The following QRICH2 variants were observed in gnomAD, a reference collection of about 807,000 sequenced individuals.
QRICH2 encodes the protein glutamine-rich protein 2.
Under a neutral mutation model 168.3 loss-of-function variants are expected in QRICH2, and 119 were observed. The ratio of observed to expected loss-of-function variants is 0.71; its 90% CI spans 0.61 to 0.82. The LOEUF (loss-of-function observed/expected upper bound fraction) is 0.82. Ranked by LOEUF, QRICH2 falls within the 40% of genes least tolerant of loss-of-function variation. The pLI is 0.00. For synonymous variants in QRICH2, 894 were observed against 951.2 expected, an observed-to-expected ratio of 0.94 and a Z score of 1.11; for missense variants, 2,241 against 2,491.6, an observed-to-expected ratio of 0.90 and a Z score of 2.14.
At chr17:76,286,894 A>T (rs1176087505) in intron 7 of QRICH2, among the ~76,000 whole-genome samples, 2 of 149,102 alleles carry the variant, frequency 1.3e-5, no homozygotes, top group Admixed American at 1.3e-4. Context: ...AAAAAAAAAA[A>T]GATAGGGAAA....
At position 76,280,809 on chromosome 17, in the gene QRICH2, C is replaced by T. The variant is rs2070774222; in HGVS notation, c.4386+22G>A. ...ACCACATTGAGCCCCGGCCCCATCC[C>T]AGCCACCCTGCGGCCGCTCACAGCA... On this transcript the variant is annotated intron_variant, in intron 9 of 18. Transcript: ENST00000680821. The surrounding 1 kb of genome is among the most constrained non-coding windows in gnomAD (Gnocchi z 7.4). 1.2e-6 allele frequency: 2 copies of T among 1,614,026 alleles called. No individual in the cohort carries two copies. The highest frequency in any genetic ancestry group is 1.7e-6 in the Non-Finnish European group (2 of 1,180,028).
chr17:76,283,028 C>T (rs2070817742), intron 7 of QRICH2, among the ~76,000 whole-genome samples: 1 of 152,182 alleles, frequency 6.6e-6, no homozygotes, highest in Non-Finnish European at 1.5e-5. Flanking sequence ...GGGTGGCCCA[C>T]CCTGGCCTGC....
chr17:76,289,524 G>T (rs887031312), intron 5 of QRICH2, among the ~76,000 whole-genome samples: 11 of 152,094 alleles, frequency 7.2e-5, no homozygotes, highest in African/African-American at 2.7e-4. Context: ...TGAACACGAT[G>T]ATACCCAAGG....
intron 1 of QRICH2, among the ~76,000 whole-genome samples, chr17:76,306,595 C>G (rs1382743603): frequency 6.6e-6 from 1 of 152,146 alleles, no homozygotes; most frequent in Non-Finnish European, 1.5e-5. Flanking sequence ...AAACAAAAGT[C>G]CAGTTGAAGG....
At chr17:76,304,759 G>A in intron 2 of QRICH2, 123 bp downstream of exon 2, 1 of 814,458 alleles carries the variant, frequency 1.2e-6, no homozygotes, top group Non-Finnish European at 2.1e-6. Context: ...CCCTGGGGCA[G>A]AGACTTGAGA....
intron 16 of QRICH2, 60 bp from the exon 17 acceptor site, chr17:76,276,827 TCA>T: frequency 7.5e-7 from 1 of 1,329,342 alleles, no homozygotes; most frequent in South Asian, 1.2e-5. Context: ...CCTGGCCCCT[TCA>T]CACGGGACTG....
chr17:76,278,062 A>G lies in QRICH2; in HGVS notation c.5044T>C (p.Ser1682Pro), dbSNP rs1236326267. 2.5e-6 allele frequency: 4 copies of G among 1,613,936 alleles called. No homozygotes were observed. The highest frequency in any genetic ancestry group is 3.4e-6 in the Non-Finnish European group (4 of 1,180,032). The part of the protein sequence containing the change: ...IEKVQIHFGG[S>P]TKASSQIIRE... The stretch of plus-strand genomic sequence containing the variant: ...ATTATCTGGCTGCTGGCCTTGGTGG[A>G]GCCCCCGAAGTGGATCTGCACCTTC... The change falls in exon 15 of 19, where the codon TCC (serine) becomes CCC (proline). Residue 1682 changes from serine to proline, a missense_variant. By Grantham distance (74) the Ser-to-Pro change is moderately conservative. This residue lies in a region of QRICH2 where 2,047 missense variants were observed against 2,303.8 expected (regional missense o/e 0.89). Coordinates refer to ENST00000680821, the MANE Select transcript of QRICH2 (RefSeq NM_001388453.1).
rs1443425873 is a variant in QRICH2, at chr17:76,275,801, C to T, written c.5482+18G>A. ...AGCGGGGAGGCCTGGCAGGACGCCC[C>T]ACCCAGAGGGAAGCTACCTGAGGTG... is the stretch of plus-strand genomic sequence containing the variant. On this transcript the variant is annotated intron_variant, in intron 18 of 18. Coordinates refer to ENST00000680821, the MANE Select transcript of QRICH2 (RefSeq NM_001388453.1). The T allele has an allele frequency of 5.0e-6, 8 of 1,602,396 alleles. No homozygotes were observed. In the African/African-American group the frequency reaches 9.3e-5, roughly 19 times the overall value.
intron 14 of QRICH2, among the ~76,000 whole-genome samples, chr17:76,278,813 A>G (rs2070735208): frequency 6.6e-6 from 1 of 152,254 alleles, no homozygotes; most frequent in Non-Finnish European, 1.5e-5. Context: ...AGGTGTGACT[A>G]GGTCTGCCTC....
rs570001475 is a variant in QRICH2 at position 76,301,200 on chromosome 17, G to T, written c.705+3215C>A. Among the ~76,000 whole-genome samples, 3 of 149,804 alleles carry T rather than the reference G, an allele frequency of 2.0e-5. No individual in the cohort carries two copies. In the South Asian group the frequency reaches 6.5e-4, roughly 32 times the overall value. ...CCACTGCACTCCAGCCTGGGCAGCA[G>T]AGCAAGACTGTCTCAAAAATATTTT... On this transcript the variant is annotated intron_variant, in intron 3 of 18. Transcript: ENST00000680821.
intron 14 of QRICH2, 47 bp downstream of exon 14, chr17:76,278,994 G>T: frequency 2.0e-6 from 3 of 1,504,310 alleles, no homozygotes; most frequent in Non-Finnish European, 1.8e-6. Context: ...CCCATCCAGA[G>T]CCCTGGCCCC....
rs996875893 is a variant in QRICH2 at position 76,275,696 on chromosome 17, C to T, written c.5482+123G>A. ...CGGGGTTCCTCTTTTCCACACCCAT[C>T]CCCCCCTTCGGCTCCCAGGCCCTCC... On this transcript the variant is annotated intron_variant, in intron 18 of 18. Coordinates refer to ENST00000680821, the MANE Select transcript of QRICH2 (RefSeq NM_001388453.1). The T allele has an allele frequency of 2.1e-5, 26 of 1,233,302 alleles. No individual in the cohort carries two copies. The African/African-American group carries it at 3.5e-4, about 17-fold the overall frequency. 76.4% of individuals were successfully genotyped at this position (1,233,302 alleles called of 1,614,324 possible).
In QRICH2 at chr17:76,281,088, G is replaced by C; in HGVS notation, c.4264-135C>G. On this transcript the variant is annotated intron_variant, in intron 8 of 18. Coordinates refer to ENST00000680821, the MANE Select transcript of QRICH2 (RefSeq NM_001388453.1). The surrounding 1 kb of genome is among the most constrained non-coding windows in gnomAD (Gnocchi z 4.4). ...CTGGGAGCGGTGGCTCATGCCTGTA[G>C]TCCTGGCACTTTGGGAAGCTGAGGT... 8.1e-7 allele frequency: 1 copy of C among 1,232,042 alleles called. No homozygotes were observed. The highest frequency in any genetic ancestry group is 1.1e-6 in the Non-Finnish European group (1 of 906,104). 76.3% of individuals were successfully genotyped at this position (1,232,042 alleles called of 1,614,324 possible).
intron 1 of QRICH2, among the ~76,000 whole-genome samples, chr17:76,306,062 C>T (rs1046441062): frequency 2.8e-5 from 4 of 145,050 alleles, no homozygotes; most frequent in Non-Finnish European, 4.5e-5. Context: ...CCTAGCTACT[C>T]GGGAAGCCGA....
chr17:76,292,444 C>T lies in QRICH2; in HGVS notation c.2283G>A (p.Leu761=), dbSNP rs749783328. The change falls in exon 4 of 19, where the codon TTG becomes TTA. Residue 761 remains leucine, a synonymous_variant. Coordinates refer to ENST00000680821, the MANE Select transcript of QRICH2 (RefSeq NM_001388453.1). ...CATGCTGATCTGCACCAGGTTGGAC[C>T]AAACCACGCTGATCTGCACCAGGTG... is the stretch of plus-strand genomic sequence containing the variant. The part of the protein sequence containing the change: ...LVPPGADQRG[L]VQPGADQHGL... The T allele has an allele frequency of 5.7e-6, 9 of 1,567,854 alleles. No homozygotes were observed. In the Admixed American group the frequency reaches 8.7e-5, roughly 15 times the overall value.
chr17:76,303,052 T>C (rs538388119), intron 3 of QRICH2, among the ~76,000 whole-genome samples: 1 of 151,992 alleles, frequency 6.6e-6, no homozygotes, highest in East Asian at 1.9e-4. Context: ...CCCACCTAAT[T>C]TTTGTATTTT....
intron 7 of QRICH2, among the ~76,000 whole-genome samples, 172 bp downstream of exon 7, chr17:76,287,020 C>A (rs1435147349): frequency 7.0e-6 from 1 of 143,882 alleles, no homozygotes; most frequent in South Asian, 2.3e-4. Flanking sequence ...ACCGCCCCCC[C>A]ACCCCCTGCC....
chr17:76,304,098 A>AT (rs2070950492), intron 3 of QRICH2, among the ~76,000 whole-genome samples: 1 of 152,124 alleles, frequency 6.6e-6, no homozygotes. Flanking sequence ...GGTACCAACC[A>AT]TACAGCGCTG....
chr17:76,279,233 C>T (rs2070743878), intron 13 of QRICH2, 91 bp from the exon 14 acceptor site: 1 of 1,353,688 alleles, frequency 7.4e-7, no homozygotes, highest in Non-Finnish European at 1.0e-6. Context: ...CCCACCCGCC[C>T]CCGGCCTGGA....
Sources: gnomAD v4.1 joint callset for allele counts (sites outside exome capture counted in the v4.1 genomes callset) on GRCh38, gnomAD v4.1.1 for gene constraint, gnomAD v4.1.1 regional missense constraint, Gnocchi (gnomAD v3.1) non-coding constraint, MANE v1.5 for transcripts, NCBI Gene and HGNC (gene_info 2026-07-23, HGNC 2026-07-21) for gene names.